Variants in EPHB3 observed in about 807,000 individuals in gnomAD.
EPHB3 encodes the protein EPH receptor B3.
EPHB3 carries 33 observed loss-of-function variants against 100.2 expected under a neutral mutation model. That is an observed-to-expected ratio of 0.33 (90% confidence interval 0.25 to 0.44). EPHB3 has a LOEUF of 0.44. EPHB3 is among the 20% of genes least tolerant of loss of function. EPHB3 has a pLI of 1.00. For synonymous variants in EPHB3, 526 were observed against 554.7 expected (o/e 0.95, Z 0.73); for missense variants, 1,045 against 1,378.3 (o/e 0.76, Z 3.83).
In EPHB3 at chr3:184,581,169, A is replaced by G; in HGVS notation, c.2732+4A>G. ...TCATTGCCAGCGCTCAGTCTGGGTT[A>G]GTACCTCTGCCTCTGCTCCCGCCAA... On this transcript the variant is annotated splice_donor_region_variant and intron_variant, in intron 14 of 15. Transcript: ENST00000330394. 4 of 1,613,544 alleles carry G rather than the reference A, an allele frequency of 2.5e-6. No homozygotes were observed. Among genetic ancestry groups the G allele is most frequent in the Non-Finnish European group, 3.4e-6 (4 of 1,179,616 alleles).
At chr3:184,567,917 T>C (rs1033418916) in intron 1 of EPHB3, among the ~76,000 whole-genome samples, 1 of 152,210 alleles carries the variant, frequency 6.6e-6, no homozygotes, top group African/African-American at 2.4e-5. Flanking sequence ...TGTATATGAA[T>C]GTCTAAGGAA....
At position 184,572,580 on chromosome 3, in the gene EPHB3, G is replaced by A; in HGVS notation, c.260G>A (p.Ser87Asn). The A allele has an allele frequency of 6.5e-7, 1 of 1,547,878 alleles. No homozygotes were observed. Among genetic ancestry groups the A allele is most frequent in the Non-Finnish European group, 8.7e-7 (1 of 1,150,388 alleles). The change falls in exon 3 of 16, where the codon AGC (serine) becomes AAC (asparagine). Residue 87 changes from serine (S) to asparagine (N), a missense_variant. This residue lies in a region of EPHB3 where 985 missense variants were observed against 1,331.1 expected (regional missense o/e 0.74). Coordinates refer to ENST00000330394, the MANE Select transcript of EPHB3 (RefSeq NM_004443.4). The surrounding 1 kb of genome is among the most constrained non-coding windows in gnomAD (Gnocchi z 6.6). ...TYQVCNVRES[S>N]QNNWLRTGFI... is the part of the protein sequence containing the mutation. ...CAGGTGTGTAATGTGCGCGAGTCAA[G>A]CCAGAACAACTGGCTTCGCACGGGG...
chr3:184,563,364 T>C lies in EPHB3; in HGVS notation c.118+1011T>C, dbSNP rs1458949827. ...GGACGCCACAGAAATTCGAGGGCAA[T>C]TGGAATAAAGGCAGTACTTATTTGG... On this transcript the variant is annotated intron_variant, in intron 1 of 15. Transcript: ENST00000330394. This position sits in a 1 kb window ranked among gnomAD's most constrained non-coding sequence, Gnocchi z 4.1. Among the ~76,000 whole-genome samples the C allele has an allele frequency of 2.6e-5, 4 of 152,148 alleles. No homozygotes were observed. The highest frequency in any genetic ancestry group is 1.3e-4 in the Admixed American group (2 of 15,268).
rs1194541459 is a variant in EPHB3 at position 184,580,998 on chromosome 3, C to T, written c.2565C>T (p.Tyr855=). The change falls in exon 14 of 16, where the codon TAC becomes TAT. Residue 855 remains tyrosine (Y), a synonymous_variant. Coordinates refer to ENST00000330394, the MANE Select transcript of EPHB3 (RefSeq NM_004443.4). ...TCATCAATGCCGTGGAGCAGGATTA[C>T]CGGCTGCCACCACCCATGGACTGTC... ...QDVINAVEQD[Y]RLPPPMDCPT... 5.6e-6 allele frequency: 9 copies of T among 1,612,764 alleles called. No individual in the cohort carries two copies. The highest frequency in any genetic ancestry group is 7.6e-6 in the Non-Finnish European group (9 of 1,178,952).
At position 184,573,300 on chromosome 3, in the gene EPHB3, G is replaced by A; in HGVS notation, c.856+124G>A. 1 of 1,211,114 alleles carries A rather than the reference G, an allele frequency of 8.3e-7. No individual in the cohort carries two copies. Among genetic ancestry groups the A allele is most frequent in the Non-Finnish European group, 1.2e-6 (1 of 867,236 alleles). The allele number at this position is 1,211,114 out of a possible 1,614,324, so 75.0% of individuals were successfully genotyped here. A position where few individuals can be genotyped will look rare whatever the true frequency, so the allele number is the denominator to read the frequency against. On this transcript the variant is annotated intron_variant, in intron 3 of 15. Transcript: ENST00000330394. The surrounding 1 kb of genome is among the most constrained non-coding windows in gnomAD (Gnocchi z 4.5). The stretch of plus-strand genomic sequence containing the variant: ...GGTCTGGGAGCAGGTCCACAGTGGA[G>A]GCAGGAGAGGGAAGAGTGGGGATCA...
chr3:184,575,546 C>A (rs1714653115), intron 3 of EPHB3, among the ~76,000 whole-genome samples: 1 of 151,788 alleles, frequency 6.6e-6, no homozygotes, highest in Admixed American at 6.6e-5. Context: ...TCAACAAGCC[C>A]AGGCTGTCCA....
In EPHB3 at chr3:184,571,389, C is replaced by T. The variant is rs977578699; in HGVS notation, c.183+7C>T. The T allele has an allele frequency of 1.2e-6, 2 of 1,613,882 alleles. No individual in the cohort carries two copies. The stretch of plus-strand genomic sequence containing the variant: ...ATCTCATCCAGAAAGTGGGGTGAGG[C>T]TTTCCCATCATTCTCCTGAGTGTTG... On this transcript the variant is annotated splice_region_variant and intron_variant, in intron 2 of 15. Coordinates refer to ENST00000330394, the MANE Select transcript of EPHB3 (RefSeq NM_004443.4). This position sits in a 1 kb window ranked among gnomAD's most constrained non-coding sequence, Gnocchi z 5.0.
chr3:184,572,940 C>T lies in EPHB3; in HGVS notation c.620C>T (p.Ala207Val). 1.3e-6 allele frequency: 2 copies of T among 1,577,408 alleles called. No homozygotes were observed. Among genetic ancestry groups the T allele is most frequent in the Non-Finnish European group, 1.7e-6 (2 of 1,160,262 alleles). ...TGCATGTCGCTCATCTCCGTGCGCG[C>T]CTTCTACAAGAAGTGTGCATCCACC... ...GACMSLISVRAFYKKCASTTA... is the reference protein window; with the variant it reads ...GACMSLISVRVFYKKCASTTA... The change falls in exon 3 of 16, where the codon GCC becomes GTC. Residue 207 changes from alanine to valine, a missense_variant. By Grantham distance (64) the Ala-to-Val change is moderately conservative (BLOSUM62 0). Coordinates refer to ENST00000330394, the MANE Select transcript of EPHB3 (RefSeq NM_004443.4). The surrounding 1 kb of genome is among the most constrained non-coding windows in gnomAD (Gnocchi z 6.6).
chr3:184,574,392 A>G (rs1216375210), intron 3 of EPHB3, among the ~76,000 whole-genome samples: 3 of 152,330 alleles, frequency 2.0e-5, no homozygotes, highest in South Asian at 2.1e-4. Context: ...TTTCGCCAAT[A>G]AGGAAACTGA....
At position 184,563,157 on chromosome 3, in the gene EPHB3, G is replaced by T. The variant is rs1398863443; in HGVS notation, c.118+804G>T. Reference sequence around the variant, plus strand: ...ATGATTGTACTTGGATGAACAGCCCGGCGTTGTTGGCGCTGGCAGGAGAGC... The same window carrying T: ...ATGATTGTACTTGGATGAACAGCCCTGCGTTGTTGGCGCTGGCAGGAGAGC... On this transcript the variant is annotated intron_variant, in intron 1 of 15. Coordinates refer to ENST00000330394, the MANE Select transcript of EPHB3 (RefSeq NM_004443.4). This position sits in a 1 kb window ranked among gnomAD's most constrained non-coding sequence, Gnocchi z 4.1. Among the ~76,000 whole-genome samples the T allele has an allele frequency of 6.6e-6, 1 of 152,212 alleles. No individual in the cohort carries two copies. The highest frequency in any genetic ancestry group is 1.5e-5 in the Non-Finnish European group (1 of 68,048).
Position 184,562,433 on chromosome 3 carries a change from C to G in EPHB3, c.118+80C>G. 1.8e-6 allele frequency: 2 copies of G among 1,136,458 alleles called. No homozygotes were observed. The highest frequency in any genetic ancestry group is 2.2e-6 in the Non-Finnish European group (2 of 926,324). The allele number at this position is 1,136,458 out of a possible 1,614,324, so 70.4% of individuals were successfully genotyped here. ...GCGGGCTAGCAGCGTGGGTCCGACC[C>G]GGATTGAGCGCACGTCGGAGGAGGC... On this transcript the variant is annotated intron_variant, in intron 1 of 15. Transcript: ENST00000330394. This position sits in a 1 kb window ranked among gnomAD's most constrained non-coding sequence, Gnocchi z 4.8.
rs765214188 is a variant in EPHB3, at chr3:184,565,047, A to T, written c.118+2694A>T. Among the ~76,000 whole-genome samples, 10 of 151,846 alleles carry T rather than the reference A, an allele frequency of 6.6e-5. No homozygotes were observed. The highest frequency in any genetic ancestry group is 2.0e-4 in the Admixed American group (3 of 15,252). ...TACCTCTCATGTACCCCCTAGTTAG[A>T]TGCTGTCTAGCACCTGGTTCCTCTT... is the stretch of plus-strand genomic sequence containing the variant. On this transcript the variant is annotated intron_variant, in intron 1 of 15. Transcript: ENST00000330394. This position sits in a 1 kb window ranked among gnomAD's most constrained non-coding sequence, Gnocchi z 4.8.
chr3:184,580,352 A>C, intron 11 of EPHB3, 50 bp from the exon 12 acceptor site: 4 of 1,611,172 alleles, frequency 2.5e-6, no homozygotes, highest in Non-Finnish European at 3.4e-6. Context: ...TGGGCAGGCC[A>C]TGGGCTGATG....
At chr3:184,580,055 G>A in intron 11 of EPHB3, 121 bp downstream of exon 11, 2 of 1,446,530 alleles carry the variant, frequency 1.4e-6, no homozygotes, top group Admixed American at 2.3e-5. Flanking sequence ...GTGGCTTGGT[G>A]CAGGGAAATG....
rs745313447 is a variant in EPHB3 at position 184,575,888 on chromosome 3, C to T, written c.915C>T (p.Pro305=). The T allele has an allele frequency of 1.1e-5, 18 of 1,613,588 alleles. No homozygotes were observed. Among genetic ancestry groups the T allele is most frequent in the Admixed American group, 6.7e-5 (4 of 59,968 alleles). ...GAGAGGGGCCCTGCCTCCCATGTCCCCCCAACAGCCGTACCACCTCCCCAG... is the reference window on the plus strand; with the variant it reads ...GAGAGGGGCCCTGCCTCCCATGTCCTCCCAACAGCCGTACCACCTCCCCAG... The part of the protein sequence containing the change: ...KQGEGPCLPC[P]PNSRTTSPAA... Residue 305 remains proline, a synonymous_variant, in exon 4 of 16, where the codon CCC becomes CCT. Transcript: ENST00000330394.
Position 184,562,377 on chromosome 3 carries a change from C to A in EPHB3, c.118+24C>A. 8.2e-7 allele frequency: 1 copy of A among 1,215,432 alleles called. No individual in the cohort carries two copies. Among genetic ancestry groups the A allele is most frequent in the Admixed American group, 4.4e-5 (1 of 22,658 alleles). The allele number at this position is 1,215,432 out of a possible 1,614,324, so 75.3% of individuals were successfully genotyped here. The stretch of plus-strand genomic sequence containing the variant: ...AGGTGAGCGGCGTCGGGGGGCGCGC[C>A]CGGGAACAAGGTGCCTGGGGTCGCG... On this transcript the variant is annotated intron_variant, in intron 1 of 15. Coordinates refer to ENST00000330394, the MANE Select transcript of EPHB3 (RefSeq NM_004443.4). This position sits in a 1 kb window ranked among gnomAD's most constrained non-coding sequence, Gnocchi z 4.8.
chr3:184,580,902 G>A (rs752997842), intron 13 of EPHB3, 24 bp downstream of exon 13: 1 of 1,609,340 alleles, frequency 6.2e-7, no homozygotes, highest in Middle Eastern at 1.7e-4. Context: ...CGCCAGAGTG[G>A]TTGGGTAGGT....
In EPHB3 at chr3:184,565,387, G is replaced by A. The variant is rs1449331930; in HGVS notation, c.118+3034G>A. Among the ~76,000 whole-genome samples the A allele has an allele frequency of 1.3e-5, 2 of 152,206 alleles. No homozygotes were observed. The highest frequency in any genetic ancestry group is 2.4e-5 in the African/African-American group (1 of 41,444). ...TCCAATGGGGAACAGACTAGGAATG[G>A]GGCCTGAGATGAGGAATGGTGTCTG... is the stretch of plus-strand genomic sequence containing the variant. On this transcript the variant is annotated intron_variant, in intron 1 of 15. Coordinates refer to ENST00000330394, the MANE Select transcript of EPHB3 (RefSeq NM_004443.4). The surrounding 1 kb of genome is among the most constrained non-coding windows in gnomAD (Gnocchi z 4.8).
chr3:184,575,536 T>C (rs987356761), intron 3 of EPHB3, among the ~76,000 whole-genome samples: 1 of 144,872 alleles, frequency 6.9e-6, no homozygotes, highest in Non-Finnish European at 1.5e-5. Flanking sequence ...CTTCCCTGCC[T>C]CAACAAGCCC....
Sources: gnomAD v4.1 joint callset for allele counts (sites outside exome capture counted in the v4.1 genomes callset) on GRCh38, gnomAD v4.1.1 for gene constraint, gnomAD v4.1.1 regional missense constraint, Gnocchi (gnomAD v3.1) non-coding constraint, MANE v1.5 for transcripts, NCBI Gene and HGNC (gene_info 2026-07-23, HGNC 2026-07-21) for gene names.